The following BICRA variants were observed in gnomAD, a reference collection of about 807,000 sequenced individuals.
BICRA encodes BRD4-interacting chromatin-remodeling complex-associated protein.
In BICRA, 31 loss-of-function variants were observed where a neutral mutation model predicts 96.9. The ratio of observed to expected loss-of-function variants is 0.32; its 90% CI spans 0.24 to 0.43. The LOEUF (loss-of-function observed/expected upper bound fraction) is 0.43. Ranked by LOEUF, BICRA falls within the 20% of genes least tolerant of loss-of-function variation. The probability of loss-of-function intolerance (pLI) is 1.00; values close to 1 mark genes in which losing one functional copy is unlikely to be tolerated. For synonymous variants in BICRA, 1,350 were observed against 1,071.8 expected (o/e 1.26, Z -5.07); for missense variants, 2,283 against 2,190.3 (o/e 1.04, Z -0.84).
At chr19:47,669,516 G>A (rs1292487797) in intron 1 of BICRA, among the ~76,000 whole-genome samples, 2 of 151,436 alleles carry the variant, frequency 1.3e-5, no homozygotes, top group African/African-American at 2.4e-5. Context: ...ATAGTATAAT[G>A]TTATATACTA....
intron 7 of BICRA, among the ~76,000 whole-genome samples, chr19:47,687,871 G>A (rs1346528660): frequency 1.3e-5 from 2 of 150,492 alleles, no homozygotes; most frequent in Non-Finnish European, 2.9e-5. Flanking sequence ...AGGTATGAAA[G>A]TACTTGTAGG....
In BICRA at chr19:47,694,694, C is replaced by G; in HGVS notation, c.2863C>G (p.Gln955Glu). 6.3e-7 allele frequency: 1 copy of G among 1,576,400 alleles called. No homozygotes were observed. The highest frequency in any genetic ancestry group is 8.7e-7 in the Non-Finnish European group (1 of 1,153,882). ...MVTTPFPALPQPKALLERFHQ... is the reference protein window; with the variant it reads ...MVTTPFPALPEPKALLERFHQ... The stretch of plus-strand genomic sequence containing the variant: ...GACCACCCCCTTCCCAGCGCTGCCC[C>G]AGCCGAAGGCTCTTCTCGAGAGATT... The change falls in exon 8 of 15, where the codon CAG becomes GAG. Residue 955 changes from glutamine (Q) to glutamate (E), a missense_variant. By Grantham distance (29) the Gln-to-Glu change is conservative. Coordinates refer to ENST00000594866, the MANE Select transcript of BICRA (RefSeq NM_001394372.1).
chr19:47,657,745 C>T (rs1219152981), intron 1 of BICRA, among the ~76,000 whole-genome samples: 2 of 152,072 alleles, frequency 1.3e-5, no homozygotes, highest in African/African-American at 4.8e-5. Flanking sequence ...TTTTCACCTC[C>T]CTTGAGTAAA....
intron 1 of BICRA, among the ~76,000 whole-genome samples, chr19:47,649,962 CT>C (rs1053762820): frequency 1.8e-4 from 27 of 147,556 alleles, no homozygotes; most frequent in Admixed American, 2.0e-4. Context: ...TTTGCCATTA[CT>C]TTTTTTTTTT....
chr19:47,701,084 T>G lies in BICRA; in HGVS notation c.3596-244T>G. The G allele has an allele frequency of 3.7e-6, 2 of 539,826 alleles. No individual in the cohort carries two copies. The highest frequency in any genetic ancestry group is 6.5e-6 in the Non-Finnish European group (2 of 307,524). The allele number at this position is 539,826 out of a possible 1,614,324, so 33.4% of individuals were successfully genotyped here. A position where few individuals can be genotyped will look rare whatever the true frequency, so the allele number is the denominator to read the frequency against. The stretch of plus-strand genomic sequence containing the variant: ...TGAGCCTTGTTTTGTATTCTCTTAA[T>G]TTACTTATGTCTGAATGAGCCCCAC... On this transcript the variant is annotated intron_variant, in intron 14 of 14. Transcript: ENST00000594866. The surrounding 1 kb of genome is among the most constrained non-coding windows in gnomAD (Gnocchi z 5.4).
chr19:47,646,004 A>G (rs1972453780), intron 1 of BICRA, among the ~76,000 whole-genome samples: 1 of 152,224 alleles, frequency 6.6e-6, no homozygotes, highest in African/African-American at 2.4e-5. Flanking sequence ...AGGCCAAAGC[A>G]GGAGGATCTC....
intron 5 of BICRA, among the ~76,000 whole-genome samples, chr19:47,676,152 G>C (rs750684569): frequency 2.0e-5 from 3 of 152,134 alleles, no homozygotes; most frequent in South Asian, 2.1e-4. Context: ...CAGACCCCTT[G>C]GGGAAGAGGT....
rs1477204676 is a variant in BICRA at position 47,702,499 on chromosome 19, C to G, written c.*84C>G. 2 of 1,369,710 alleles carry G rather than the reference C, an allele frequency of 1.5e-6. No homozygotes were observed. Among genetic ancestry groups the G allele is most frequent in the Non-Finnish European group, 9.4e-7 (1 of 1,065,998 alleles). 84.8% of individuals were successfully genotyped at this position (1,369,710 alleles called of 1,614,324 possible). A position where few individuals can be genotyped will look rare whatever the true frequency, so the allele number is the denominator to read the frequency against. ...GTCCGCCCTCAGCCTCCTGGGGACT[C>G]GAGCCGGGGATCCCCTGACGGTTTT... is the stretch of plus-strand genomic sequence containing the variant. On this transcript the variant is annotated 3_prime_UTR_variant, in exon 15 of 15. Coordinates refer to ENST00000594866, the MANE Select transcript of BICRA (RefSeq NM_001394372.1).
chr19:47,636,653 G>A (rs1972304533), intron 1 of BICRA, among the ~76,000 whole-genome samples: 1 of 152,040 alleles, frequency 6.6e-6, no homozygotes, highest in Non-Finnish European at 1.5e-5. Flanking sequence ...GATTATAGGC[G>A]TGCACCACCA....
chr19:47,648,045 G>A (rs1972486561), intron 1 of BICRA, among the ~76,000 whole-genome samples: 1 of 151,848 alleles, frequency 6.6e-6, no homozygotes, highest in Non-Finnish European at 1.5e-5. Context: ...ATAGGGGGAG[G>A]GTGCATCAGT....
intron 1 of BICRA, among the ~76,000 whole-genome samples, chr19:47,635,073 G>A (rs1972280540): frequency 6.6e-6 from 1 of 151,762 alleles, no homozygotes; most frequent in Admixed American, 6.6e-5. Context: ...CATACGTAAA[G>A]CTTTTAGAAT....
Position 47,701,549 on chromosome 19 carries a change from TCCTCCTCCTCTGCCG to T in BICRA, c.3827_3841del (p.Ser1276_Ser1280del), listed in dbSNP as rs903448749. The T allele has an allele frequency of 3.2e-6, 5 of 1,549,454 alleles. No individual in the cohort carries two copies. Among genetic ancestry groups the T allele is most frequent in the Non-Finnish European group, 4.4e-6 (5 of 1,147,412 alleles). On this transcript the variant is annotated inframe_deletion, in exon 15 of 15. Coordinates refer to ENST00000594866, the MANE Select transcript of BICRA (RefSeq NM_001394372.1). The surrounding 1 kb of genome is among the most constrained non-coding windows in gnomAD (Gnocchi z 5.4). The stretch of plus-strand genomic sequence containing the variant: ...GTCCTCCTCCCTGTCCTCCTCTTCC[TCCTCCTCCTCTGCCG>T]CCTCCTCCTTGGACGCCGACGAGGA...
intron 3 of BICRA, 28 bp from the exon 4 acceptor site, chr19:47,673,692 C>G (rs1226404705): frequency 6.2e-7 from 1 of 1,608,504 alleles, no homozygotes; most frequent in South Asian, 1.1e-5. Context: ...TCCTTACCTC[C>G]TCAGCGTCTC....
Position 47,675,453 on chromosome 19 carries a change from G to A in BICRA, c.85-398G>A, listed in dbSNP as rs886188288. Among the ~76,000 whole-genome samples the A allele has an allele frequency of 1.3e-4, 20 of 152,198 alleles. No homozygotes were observed. Among genetic ancestry groups the A allele is most frequent in the African/African-American group, 3.6e-4 (15 of 41,440 alleles). Reference sequence around the variant, plus strand: ...TAGGTGTGCCAGGCACTCAGGCTGCGTTGGGAAAGGAGTACTTAGTGAGAA... The same window carrying A: ...TAGGTGTGCCAGGCACTCAGGCTGCATTGGGAAAGGAGTACTTAGTGAGAA... On this transcript the variant is annotated intron_variant, in intron 4 of 14. Transcript: ENST00000594866. This position sits in a 1 kb window ranked among gnomAD's most constrained non-coding sequence, Gnocchi z 4.7.
intron 7 of BICRA, among the ~76,000 whole-genome samples, chr19:47,685,786 T>TGCGTGCGCGCGCGCGC (rs1555790131): frequency 8.5e-6 from 1 of 117,930 alleles, no homozygotes; most frequent in Admixed American, 8.7e-5. Context: ...TGTGTGTGTG[T>TGCGTGCGCGCGCGCGC]GCGCGCGCGC....
intron 1 of BICRA, among the ~76,000 whole-genome samples, chr19:47,665,350 C>G (rs1972762540): frequency 6.6e-6 from 1 of 152,224 alleles, no homozygotes; most frequent in Non-Finnish European, 1.5e-5. Flanking sequence ...GTGCCAGCCC[C>G]AGGGATCTTG....
intron 1 of BICRA, among the ~76,000 whole-genome samples, chr19:47,644,313 C>T (rs1474211022): frequency 6.6e-6 from 1 of 152,036 alleles, no homozygotes; most frequent in African/African-American, 2.4e-5. Context: ...GTGTGAGCCA[C>T]TGCACCTGGC....
intron 10 of BICRA, 77 bp downstream of exon 10, chr19:47,695,551 G>T: frequency 1.4e-6 from 1 of 711,508 alleles, no homozygotes; most frequent in South Asian, 1.6e-5. Context: ...GGCAGGGGCA[G>T]GGAGACACTG....
At chr19:47,651,933 G>A (rs751797102) in intron 1 of BICRA, among the ~76,000 whole-genome samples, 7 of 152,178 alleles carry the variant, frequency 4.6e-5, no homozygotes, top group South Asian at 2.1e-4. Context: ...CGGCTTGCCC[G>A]GGACCTGCTC....
Sources: allele counts gnomAD v4.1 joint callset (sites outside exome capture counted in the v4.1 genomes callset), GRCh38; gene constraint gnomAD v4.1.1; non-coding constraint Gnocchi (gnomAD v3.1); transcripts MANE v1.5; gene names NCBI Gene and HGNC (gene_info 2026-07-23, HGNC 2026-07-21).